ABCA13: variants seen among roughly 807,000 people sequenced by gnomAD.
ABCA13 encodes the protein ATP-binding cassette sub-family A member 13.
In ABCA13, 476 loss-of-function variants were observed where a neutral mutation model predicts 478.7. The observed-to-expected ratio is 0.99, with a 90% CI of 0.92 to 1.07. The LOEUF (loss-of-function observed/expected upper bound fraction) is 1.07. Ranked by LOEUF, ABCA13 falls within the 50% of genes least tolerant of loss-of-function variation. The probability of loss-of-function intolerance (pLI) is 0.00; values close to 1 mark genes in which losing one functional copy is unlikely to be tolerated. For synonymous variants in ABCA13, 2,252 were observed against 2,158.9 expected, an observed-to-expected ratio of 1.04 and a Z score of -1.20; for missense variants, 6,060 against 5,910.6, an observed-to-expected ratio of 1.03 and a Z score of -0.83.
At chr7:48,172,708 G>A (rs1441527639) in intron 1 of ABCA13, among the ~76,000 whole-genome samples, 1 of 146,360 alleles carries the variant, frequency 6.8e-6, no homozygotes, top group African/African-American at 2.5e-5. Context: ...TGAGGCAGGA[G>A]AATGGCGTGA....
Position 48,398,579 on chromosome 7 carries a change from CAT to C in ABCA13, c.11874-5103_11874-5102del, listed in dbSNP as rs1244222690. Among the ~76,000 whole-genome samples the C allele has an allele frequency of 5.3e-5, 8 of 152,146 alleles. No individual in the cohort carries two copies. The South Asian group carries it at 1.2e-3, about 24-fold the overall frequency. On this transcript the variant is annotated intron_variant, in intron 38 of 61. Transcript: ENST00000435803. ...TCCCTGCTAGAATCTTTAGAGTAAA[CAT>C]GTGTCAAGATTCAGATCATTACTGT... is the stretch of plus-strand genomic sequence containing the variant.
intron 42 of ABCA13, among the ~76,000 whole-genome samples, chr7:48,449,498 C>G (rs1453729611): frequency 6.6e-6 from 1 of 152,164 alleles, no homozygotes; most frequent in African/African-American, 2.4e-5. Flanking sequence ...AAGAAAATTA[C>G]CTGTCCAAAA....
chr7:48,253,668 C>T (rs1289466839), intron 15 of ABCA13, among the ~76,000 whole-genome samples: 1 of 152,072 alleles, frequency 6.6e-6, no homozygotes, highest in East Asian at 1.9e-4. Context: ...ATTTCTTGCA[C>T]AAGTGGGGTT....
chr7:48,332,074 G>A (rs1805494643), intron 27 of ABCA13, among the ~76,000 whole-genome samples: 1 of 152,198 alleles, frequency 6.6e-6, no homozygotes, highest in African/African-American at 2.4e-5. Context: ...GATATCAGGA[G>A]TTCATTCATT....
chr7:48,289,002 G>T (rs1481668655), intron 20 of ABCA13, among the ~76,000 whole-genome samples: 2 of 152,126 alleles, frequency 1.3e-5, no homozygotes, highest in Non-Finnish European at 2.9e-5. Context: ...TCTTGCTTTT[G>T]TGATCCATAT....
chr7:48,242,694 C>T (rs11971891), intron 10 of ABCA13, among the ~76,000 whole-genome samples: 25,027 of 152,192 alleles, frequency 0.16, 2,415 homozygotes, highest in African/African-American at 0.28. Context: ...CCTCCTCGGC[C>T]TCCCAAAGTG....
intron 42 of ABCA13, among the ~76,000 whole-genome samples, chr7:48,450,159 C>A (rs955261494): frequency 5.3e-5 from 8 of 152,278 alleles, no homozygotes; most frequent in African/African-American, 1.9e-4. Flanking sequence ...CATTTCACAA[C>A]CTCTCTTGAA....
intron 55 of ABCA13, among the ~76,000 whole-genome samples, chr7:48,568,790 A>G (rs1787327120): frequency 6.6e-6 from 1 of 151,726 alleles, no homozygotes; most frequent in African/African-American, 2.4e-5. Context: ...TTTTATTATT[A>G]TTATTACTAA....
At chr7:48,418,991 GAA>G (rs1820391517) in intron 41 of ABCA13, among the ~76,000 whole-genome samples, 1 of 152,204 alleles carries the variant, frequency 6.6e-6, no homozygotes, top group African/African-American at 2.4e-5. Context: ...TCTGGGGATG[GAA>G]GGTGGAAGGC....
At chr7:48,484,478 G>T (rs562096828) in intron 47 of ABCA13, among the ~76,000 whole-genome samples, 2 of 152,310 alleles carry the variant, frequency 1.3e-5, no homozygotes, top group Admixed American at 1.3e-4. Flanking sequence ...CTAATTAGTA[G>T]AAGGAATCTG....
chr7:48,294,425 GTT>G (rs370890353), intron 20 of ABCA13, among the ~76,000 whole-genome samples: 1,162 of 80,322 alleles, frequency 0.014, 32 homozygotes, highest in African/African-American at 0.03. Flanking sequence ...GTTTCTATGG[GTT>G]TTTTTTTTTT....
At chr7:48,594,904 A>G (rs1790127333) in intron 58 of ABCA13, 91 bp downstream of exon 58, 4 of 1,020,510 alleles carry the variant, frequency 3.9e-6, no homozygotes, top group East Asian at 2.4e-5. Context: ...AGTGTTACAC[A>G]TGGACATTTC....
intron 31 of ABCA13, among the ~76,000 whole-genome samples, chr7:48,354,902 T>A (rs1809646340): frequency 6.6e-6 from 1 of 152,028 alleles, no homozygotes; most frequent in Admixed American, 6.5e-5. Flanking sequence ...TTGTTAAAAT[T>A]TTTTTAGCAG....
chr7:48,559,522 A>G (rs951731824), intron 55 of ABCA13, among the ~76,000 whole-genome samples: 2 of 151,892 alleles, frequency 1.3e-5, no homozygotes, highest in African/African-American at 2.4e-5. Context: ...TAAGCGCTCC[A>G]CCCCACTATG....
intron 31 of ABCA13, among the ~76,000 whole-genome samples, chr7:48,357,406 C>T (rs1277112377): frequency 1.3e-5 from 2 of 151,952 alleles, no homozygotes; most frequent in Admixed American, 6.5e-5. Context: ...CCCACCAACG[C>T]AGGTAATTTG....
chr7:48,317,162 T>C lies in ABCA13; in HGVS notation c.9865T>C (p.Phe3289Leu). ...KFNIPEDSTP[F>L]CLKLYQEILQ... ...TTTCTTTCTAATTGCAACAGCACCGTTTTGCTTGAAGCTTTATCAGGAAAT... is the reference window on the plus strand; with the variant it reads ...TTTCTTTCTAATTGCAACAGCACCGCTTTGCTTGAAGCTTTATCAGGAAAT... Residue 3289 changes from phenylalanine (F) to leucine (L), a missense_variant, in exon 27 of 62, where the codon TTT becomes CTT. Transcript: ENST00000435803. 6.2e-7 allele frequency: 1 copy of C among 1,611,278 alleles called. No homozygotes were observed. The highest frequency in any genetic ancestry group is 8.5e-7 in the Non-Finnish European group (1 of 1,179,182).
intron 31 of ABCA13, among the ~76,000 whole-genome samples, chr7:48,366,407 T>C (rs77151321): frequency 0.039 from 5,874 of 152,150 alleles, 132 homozygotes; most frequent in Middle Eastern, 0.061. Flanking sequence ...AGTTCTTTTT[T>C]ACTCATAGCA....
chr7:48,297,236 G>T lies in ABCA13; in HGVS notation c.9124G>T (p.Ala3042Ser). ...ETVQQHLYML[A>S]KSLEETWSSG... ...TTTAATTTTCTGCCATTTTAGGTTG[G>T]CCAAAAGCCTCGAGGAAACTTGGTC... The change falls in exon 22 of 62, where the codon GCC (alanine) becomes TCC (serine). Residue 3042 changes from alanine (A) to serine (S), a missense_variant. Coordinates refer to ENST00000435803, the MANE Select transcript of ABCA13 (RefSeq NM_152701.5). 1 of 1,602,030 alleles carries T rather than the reference G, an allele frequency of 6.2e-7. No individual in the cohort carries two copies. Among genetic ancestry groups the T allele is most frequent in the East Asian group, 2.2e-5 (1 of 44,616 alleles).
At chr7:48,450,047 AC>A (rs1354517913) in intron 42 of ABCA13, among the ~76,000 whole-genome samples, 1 of 152,224 alleles carries the variant, frequency 6.6e-6, no homozygotes, top group East Asian at 1.9e-4. Context: ...CTATTACAAG[AC>A]CAAGAACTTC....
Sources: gnomAD v4.1 joint callset for allele counts (sites outside exome capture counted in the v4.1 genomes callset) on GRCh38, gnomAD v4.1.1 for gene constraint, MANE v1.5 for transcripts, NCBI Gene and HGNC (gene_info 2026-07-23, HGNC 2026-07-21) for gene names.